The following ADCY7 variants were observed in gnomAD, a reference collection of about 807,000 sequenced individuals.
ADCY7 encodes the protein adenylate cyclase type 7.
In ADCY7, 72 loss-of-function variants were observed where a neutral mutation model predicts 120.6. That is an observed-to-expected ratio of 0.60 (90% CI 0.49 to 0.73). The LOEUF (loss-of-function observed/expected upper bound fraction) is 0.73, where lower values mean the gene tolerates loss of function less well. Among genes scored for constraint, ADCY7 ranks in the 30% least tolerant of loss-of-function variants. ADCY7 has a pLI of 0.00. For missense variants in ADCY7, 1,227 were observed against 1,486.0 expected (o/e 0.83, Z 2.87); for synonymous variants, 661 against 628.0 (o/e 1.05, Z -0.78).
rs149318331 is a variant in ADCY7 at position 50,257,933 on chromosome 16, C to T, written c.-64+11730C>T. The stretch of plus-strand genomic sequence containing the variant: ...AATTTTTTTGTATTTTTTGTAGAGA[C>T]AGGATTTCACCACGTTGCCCAGGCT... On this transcript the variant is annotated intron_variant, in intron 1 of 4. Transcript: ENST00000564044. 5.9e-3 allele frequency among the ~76,000 whole-genome samples: 896 copies of T among 152,024 alleles called. 8 individuals carry two copies. Among genetic ancestry groups the T allele is most frequent in the African/African-American group, 0.02 (830 of 41,470 alleles).
At position 50,308,683 on chromosome 16, in the gene ADCY7, G is replaced by A. The variant is rs762112746; in HGVS notation, c.1952G>A (p.Arg651Gln). The A allele has an allele frequency of 1.4e-5, 23 of 1,612,990 alleles. No homozygotes were observed. Among genetic ancestry groups the A allele is most frequent in the Admixed American group, 1.0e-4 (6 of 59,990 alleles). The change falls in exon 17 of 26, where the codon CGG (arginine) becomes CAG (glutamine). Residue 651 changes from arginine (R) to glutamine (Q), a missense_variant. By Grantham distance (43) the Arg-to-Gln change is conservative. This residue lies in a region of ADCY7 where 267 missense variants were observed against 270.0 expected (regional missense o/e 0.99). Coordinates refer to ENST00000673801, the MANE Select transcript of ADCY7 (RefSeq NM_001114.5). The stretch of plus-strand genomic sequence containing the variant: ...ACCCCACAGAGGTGCTGCCCAGCTC[G>A]GGGGACGCTCTGCACTATCTCTGAG... ...ATKFSRCCPA[R>Q]GTLCTISERV...
intron 1 of ADCY7, among the ~76,000 whole-genome samples, chr16:50,287,235 G>A (rs905594821): frequency 3.3e-5 from 5 of 151,534 alleles, no homozygotes; most frequent in Non-Finnish European, 4.4e-5. Flanking sequence ...GGCTGGTCTC[G>A]AACTCCTGAC....
At chr16:50,310,574 G>A in intron 18 of ADCY7, 113 bp from the exon 19 acceptor site, 2 of 1,572,860 alleles carry the variant, frequency 1.3e-6, no homozygotes, top group Non-Finnish European at 1.7e-6. Flanking sequence ...GAGGTGGTAA[G>A]GCAAGAGCGT....
At chr16:50,281,921 C>T (rs185080594) in intron 1 of ADCY7, among the ~76,000 whole-genome samples, 122 of 152,270 alleles carry the variant, frequency 8.0e-4, no homozygotes, top group African/African-American at 2.5e-3. Context: ...TGCCTGAGAC[C>T]CAGCCTACCA....
intron 1 of ADCY7, among the ~76,000 whole-genome samples, chr16:50,273,533 T>TCTGGTGGCACCAACATGTGGCCTCTTTC (rs1159220572): frequency 1.3e-5 from 2 of 151,910 alleles, no homozygotes; most frequent in Non-Finnish European, 2.9e-5. Context: ...CAGATGGGGG[T>TCTGGTGGCACCAACATGTGGCCTCTTTC]CTGGTGGCAC....
chr16:50,258,526 G>GGC (rs1370159993), intron 1 of ADCY7, among the ~76,000 whole-genome samples: 1 of 3,842 alleles, frequency 2.6e-4, no homozygotes, highest in Non-Finnish European at 0.017. Flanking sequence ...ATTTCTGGGA[G>GGC]GCACGTGGTC....
intron 2 of ADCY7, 115 bp downstream of exon 2, chr16:50,288,465 T>C (rs2034722328): frequency 1.7e-6 from 2 of 1,190,394 alleles, no homozygotes; most frequent in East Asian, 5.8e-5. Flanking sequence ...TATGCTTTTT[T>C]GTTTGTTTTG....
intron 13 of ADCY7, 71 bp downstream of exon 13, chr16:50,305,657 C>A: frequency 6.6e-7 from 1 of 1,514,748 alleles, no homozygotes; most frequent in African/African-American, 1.4e-5. Context: ...TATGGGCAGG[C>A]CCATCTCATA....
chr16:50,284,754 T>G (rs961965570), intron 1 of ADCY7, among the ~76,000 whole-genome samples: 1 of 152,248 alleles, frequency 6.6e-6, no homozygotes, highest in African/African-American at 2.4e-5. Flanking sequence ...GACCTGGGTT[T>G]GCATCCCAGC....
intron 18 of ADCY7, chr16:50,310,378 A>AAC: frequency 7.4e-7 from 1 of 1,357,172 alleles, no homozygotes; most frequent in Admixed American, 2.0e-5. Context: ...GGGTAAGCTC[A>AAC]CAAAAACTCA....
intron 1 of ADCY7, among the ~76,000 whole-genome samples, chr16:50,248,845 T>C (rs925983606): frequency 6.6e-6 from 1 of 152,192 alleles, no homozygotes; most frequent in African/African-American, 2.4e-5. Flanking sequence ...CAGTACACAA[T>C]AGCCTCACAG....
intron 5 of ADCY7, 83 bp downstream of exon 5, chr16:50,292,908 T>C: frequency 6.5e-7 from 1 of 1,533,514 alleles, no homozygotes; most frequent in East Asian, 2.3e-5. Flanking sequence ...CATGCTGCCA[T>C]GTGCATGAGG....
chr16:50,252,629 G>A (rs186577951), intron 1 of ADCY7, among the ~76,000 whole-genome samples: 164 of 152,300 alleles, frequency 1.1e-3, no homozygotes, highest in African/African-American at 3.7e-3. Flanking sequence ...AACAGATGGG[G>A]AAACTGAGGC....
At chr16:50,263,428 C>T (rs1159488959), upstream of ADCY7, among the ~76,000 whole-genome samples, 1 of 152,054 alleles carries the variant, frequency 6.6e-6, no homozygotes, top group Non-Finnish European at 1.5e-5. Context: ...GAAAGCTGGG[C>T]GGGCAGCCTG....
intron 1 of ADCY7, among the ~76,000 whole-genome samples, chr16:50,268,517 C>G (rs2033359045): frequency 6.6e-6 from 1 of 152,212 alleles, no homozygotes; most frequent in Admixed American, 6.5e-5. Context: ...CTTACCGCCT[C>G]AGCCTTCTAA....
chr16:50,310,661 T>C, intron 18 of ADCY7, 26 bp from the exon 19 acceptor site: 1 of 1,611,278 alleles, frequency 6.2e-7, no homozygotes, highest in Non-Finnish European at 8.5e-7. Flanking sequence ...GGTGGCCCTG[T>C]CCTGAGTGAC....
intron 1 of ADCY7, among the ~76,000 whole-genome samples, chr16:50,250,317 C>T (rs1415157590): frequency 6.6e-6 from 1 of 151,964 alleles, no homozygotes; most frequent in African/African-American, 2.4e-5. Context: ...ATTAGCTGGG[C>T]ATGGTGGCTT....
At chr16:50,276,360 A>G (rs1241573732) in intron 1 of ADCY7, among the ~76,000 whole-genome samples, 1 of 152,200 alleles carries the variant, frequency 6.6e-6, no homozygotes, top group Non-Finnish European at 1.5e-5. Context: ...GGGTGGGGAC[A>G]GGTGCCGGGC....
In ADCY7 at chr16:50,310,776, G is replaced by T; in HGVS notation, c.2250G>T (p.Val750=). Residue 750 remains valine, a synonymous_variant, in exon 19 of 26, where the codon GTG becomes GTT. Transcript: ENST00000673801. The part of the protein sequence containing the change: ...SLEPKVVLLT[V]ALVAYLVLFN... Reference sequence around the variant, plus strand: ...AGCCAAAGGTTGTGCTGCTGACAGTGGCCCTGGTGGCCTACCTGGTGCTCT... The same window carrying T: ...AGCCAAAGGTTGTGCTGCTGACAGTTGCCCTGGTGGCCTACCTGGTGCTCT... The T allele has an allele frequency of 6.2e-7, 1 of 1,614,162 alleles. No individual in the cohort carries two copies. Among genetic ancestry groups the T allele is most frequent in the Non-Finnish European group, 8.5e-7 (1 of 1,180,020 alleles).
Sources: allele counts gnomAD v4.1 joint callset (sites outside exome capture counted in the v4.1 genomes callset), GRCh38; gene constraint gnomAD v4.1.1; regional missense constraint gnomAD v4.1.1; transcripts MANE v1.5; gene names NCBI Gene and HGNC (gene_info 2026-07-23, HGNC 2026-07-21).